RUFY3: variants seen among roughly 807,000 people sequenced by gnomAD.
RUFY3 encodes the protein RUN and FYVE domain containing 3, also known as protein RUFY3.
Under a neutral mutation model 84.0 loss-of-function variants are expected in RUFY3, and 34 were observed. The ratio of observed to expected loss-of-function variants is 0.40; its 90% CI spans 0.31 to 0.54. RUFY3 has a LOEUF of 0.54. Among genes scored for constraint, RUFY3 ranks in the 20% least tolerant of loss-of-function variants. The pLI, the probability that RUFY3 is intolerant of heterozygous loss-of-function variation, is 0.39. For missense variants in RUFY3, 507 were observed against 736.8 expected, an observed-to-expected ratio of 0.69 and a Z score of 3.61; for synonymous variants, 242 against 252.9, an observed-to-expected ratio of 0.96 and a Z score of 0.41.
At chr4:70,704,713 G>C (rs1740047795), upstream of RUFY3, 1 of 308,542 alleles carries the variant, frequency 3.2e-6, no homozygotes, top group Non-Finnish European at 5.9e-6. Context: ...TAGCGAGGCC[G>C]CGCCGTCGGG....
At chr4:70,794,662 A>T in intron 13 of RUFY3, 133 bp from the exon 14 acceptor site, 2 of 669,350 alleles carry the variant, frequency 3.0e-6, no homozygotes, top group Non-Finnish European at 5.3e-6. Context: ...TCATTTAAAA[A>T]CCTGTCTCTC....
chr4:70,794,839 T>G lies in RUFY3; in HGVS notation c.1502T>G (p.Leu501Ter). 6.2e-7 allele frequency: 1 copy of G among 1,613,234 alleles called. No individual in the cohort carries two copies. The highest frequency in any genetic ancestry group is 8.5e-7 in the Non-Finnish European group (1 of 1,179,578). ...LELKQEKERRLQNDRSIPGRG... is the reference protein window; with the variant it reads ...LELKQEKERR ...CTAAAACAGGAAAAAGAAAGAAGATTACAAAACGACAGGAGCATCCCAGGA... is the reference window on the plus strand; with the variant it reads ...CTAAAACAGGAAAAAGAAAGAAGATGACAAAACGACAGGAGCATCCCAGGA... The change falls in exon 14 of 18, where the codon TTA (leucine) becomes TGA (stop). Residue 501 changes from leucine to a stop codon, truncating the protein, a stop_gained. Transcript: ENST00000381006. LOFTEE classifies it high-confidence loss of function.
At chr4:70,746,634 AC>A in intron 1 of RUFY3, among the ~76,000 whole-genome samples, 1 of 152,210 alleles carries the variant, frequency 6.6e-6, no homozygotes, top group Non-Finnish European at 1.5e-5. Context: ...ACTCTTCAGA[AC>A]CCTGTCACCA....
intron 1 of RUFY3, among the ~76,000 whole-genome samples, chr4:70,750,629 C>A (rs1331846652): frequency 6.6e-6 from 1 of 152,170 alleles, no homozygotes. Context: ...TCACCACTCT[C>A]TAATCGAAGA....
chr4:70,736,575 TC>T (rs201434087), intron 1 of RUFY3, among the ~76,000 whole-genome samples: 1 of 151,920 alleles, frequency 6.6e-6, no homozygotes, highest in Non-Finnish European at 1.5e-5. Context: ...TCTTTTCTTT[TC>T]TTTTTTTTTT....
intron 5 of RUFY3, among the ~76,000 whole-genome samples, 178 bp from the exon 6 acceptor site, chr4:70,773,333 A>G (rs923337426): frequency 1.3e-5 from 2 of 152,308 alleles, no homozygotes; most frequent in East Asian, 3.9e-4. Context: ...TTGATTCTTT[A>G]CTTCCAACTC....
At chr4:70,727,173 G>T (rs1033160638) in intron 1 of RUFY3, among the ~76,000 whole-genome samples, 1 of 150,380 alleles carries the variant, frequency 6.6e-6, no homozygotes, top group African/African-American at 2.4e-5. Flanking sequence ...GAAGCAGAAC[G>T]CTTCAGTTAG....
intron 12 of RUFY3, chr4:70,791,657 C>A (rs1241962723): frequency 2.9e-6 from 3 of 1,030,878 alleles, no homozygotes; most frequent in Admixed American, 1.1e-4. Flanking sequence ...CTTGATAATA[C>A]CAGATTCTCG....
chr4:70,736,953 T>C (rs963372391), intron 1 of RUFY3, among the ~76,000 whole-genome samples: 8 of 152,264 alleles, frequency 5.3e-5, no homozygotes, highest in Non-Finnish European at 1.0e-4. Flanking sequence ...AAGACAGTTT[T>C]AGAAAAATTG....
intron 1 of RUFY3, among the ~76,000 whole-genome samples, chr4:70,750,280 C>A (rs1722922017): frequency 6.6e-6 from 1 of 152,140 alleles, no homozygotes; most frequent in African/African-American, 2.4e-5. Context: ...TAATCTAATA[C>A]CTCCATTTTT....
chr4:70,785,674 CAA>C (rs529555155), intron 10 of RUFY3, among the ~76,000 whole-genome samples: 2 of 133,386 alleles, frequency 1.5e-5, no homozygotes, highest in Admixed American at 7.5e-5. Flanking sequence ...ACTAAAAATA[CAA>C]AAAAAAAAAA....
At chr4:70,746,642 A>T (rs984657406) in intron 1 of RUFY3, among the ~76,000 whole-genome samples, 1 of 152,166 alleles carries the variant, frequency 6.6e-6, no homozygotes, top group Non-Finnish European at 1.5e-5. Flanking sequence ...GAACCCTGTC[A>T]CCATTTTATA....
intron 15 of RUFY3, among the ~76,000 whole-genome samples, chr4:70,802,139 T>A (rs1252351418): frequency 1.3e-5 from 2 of 152,200 alleles, no homozygotes; most frequent in African/African-American, 4.8e-5. Context: ...GTTTATCATG[T>A]CTACTGTTTT....
chr4:70,786,278 G>T (rs1050763937), intron 10 of RUFY3, among the ~76,000 whole-genome samples: 1 of 152,150 alleles, frequency 6.6e-6, no homozygotes, highest in Non-Finnish European at 1.5e-5. Context: ...TGGTCAACAG[G>T]TACAAAGCTA....
chr4:70,787,214 A>ATATATATATAT (rs757534627), intron 10 of RUFY3, among the ~76,000 whole-genome samples: 22 of 131,688 alleles, frequency 1.7e-4, no homozygotes, highest in African/African-American at 6.2e-4. Flanking sequence ...ATATATATAT[A>ATATATATATAT]AAAACAAATT....
chr4:70,778,417 C>T lies in RUFY3; in HGVS notation c.873C>T (p.Ser291=). 6.2e-7 allele frequency: 1 copy of T among 1,600,390 alleles called. No homozygotes were observed. The highest frequency in any genetic ancestry group is 1.1e-5 in the South Asian group (1 of 90,638). Residue 291 remains serine (S), a synonymous_variant, in exon 8 of 18, where the codon TCC becomes TCT. Transcript: ENST00000381006. The part of the protein sequence containing the change: ...LQAKVDALEK[S]NTKLTEELAV... Reference sequence around the variant, plus strand: ...CAAAAGTAGATGCATTAGAAAAATCCAACACTAAACTGACAGAGGAGGTAA... The same window carrying T: ...CAAAAGTAGATGCATTAGAAAAATCTAACACTAAACTGACAGAGGAGGTAA...
chr4:70,736,631 G>A (rs1271348933), intron 1 of RUFY3, among the ~76,000 whole-genome samples: 2 of 152,056 alleles, frequency 1.3e-5, no homozygotes, highest in East Asian at 3.9e-4. Flanking sequence ...GAGTGCAATG[G>A]CATGGTCTCA....
In RUFY3 at chr4:70,769,868, G is replaced by A. The variant is rs146963777; in HGVS notation, c.696+1207G>A. On this transcript the variant is annotated intron_variant, in intron 5 of 17. Coordinates refer to ENST00000381006, the MANE Select transcript of RUFY3 (RefSeq NM_001037442.4). ...GACAGAGTCTTAATGTGTCTCCCAG[G>A]CTGGAATGCAGTGGCACCATCTCAG... Among the ~76,000 whole-genome samples the A allele has an allele frequency of 1.0e-3, 153 of 152,182 alleles. 1 individual carries two copies. The highest frequency in any genetic ancestry group is 1.8e-3 in the Non-Finnish European group (124 of 68,022).
At chr4:70,720,188 A>T (rs961200899), upstream of RUFY3, among the ~76,000 whole-genome samples, 1 of 152,052 alleles carries the variant, frequency 6.6e-6, no homozygotes, top group Non-Finnish European at 1.5e-5. Flanking sequence ...AGTAGCTAGG[A>T]CCACATGTGC....
Sources: gnomAD v4.1 joint callset for allele counts (sites outside exome capture counted in the v4.1 genomes callset) on GRCh38, gnomAD v4.1.1 for gene constraint, MANE v1.5 for transcripts, NCBI Gene and HGNC (gene_info 2026-07-23, HGNC 2026-07-21) for gene names.